Variants in GPC5 observed in about 807,000 individuals in gnomAD.
GPC5 encodes the protein glypican-5.
Under a neutral mutation model 53.9 loss-of-function variants are expected in GPC5, and 47 were observed. That is an observed-to-expected ratio of 0.87 (90% confidence interval 0.69 to 1.11). The LOEUF (loss-of-function observed/expected upper bound fraction) is 1.11, where lower values mean the gene tolerates loss of function less well. GPC5 is among the 50% of genes most tolerant of loss of function. The pLI is 0.00. For missense variants in GPC5, 748 were observed against 713.1 expected, an observed-to-expected ratio of 1.05 and a Z score of -0.56; for synonymous variants, 286 against 263.3, an observed-to-expected ratio of 1.09 and a Z score of -0.84.
chr13:92,399,759 C>T (rs944836119), intron 7 of GPC5, among the ~76,000 whole-genome samples: 2 of 152,134 alleles, frequency 1.3e-5, no homozygotes, highest in Non-Finnish European at 2.9e-5. Flanking sequence ...TTATTCGTGT[C>T]TATCGTATAT....
intron 7 of GPC5, among the ~76,000 whole-genome samples, chr13:92,183,813 T>C (rs1003962745): frequency 6.6e-6 from 1 of 152,072 alleles, no homozygotes; most frequent in Non-Finnish European, 1.5e-5. Context: ...TTCATAGATC[T>C]CTTACAACTT....
rs141595824 is a variant in GPC5 at position 92,120,849 on chromosome 13, A to G, written c.1402-23981A>G. On this transcript the variant is annotated intron_variant, in intron 6 of 7. Coordinates refer to ENST00000377067, the MANE Select transcript of GPC5 (RefSeq NM_004466.6). ...GCAGCTCTGCCTCCAGATTATGTAA[A>G]TATCAATTCATATTCAAATGAATTT... 8.4e-3 allele frequency among the ~76,000 whole-genome samples: 1,281 copies of G among 152,282 alleles called. 20 individuals are homozygous for G. The highest frequency in any genetic ancestry group is 0.03 in the African/African-American group (1,236 of 41,568).
intron 7 of GPC5, among the ~76,000 whole-genome samples, chr13:92,758,009 G>A (rs377691488): frequency 1.3e-5 from 2 of 151,034 alleles, no homozygotes; most frequent in African/African-American, 2.4e-5. Context: ...TATAAATCAT[G>A]CTGCTATAAA....
intron 7 of GPC5, among the ~76,000 whole-genome samples, chr13:92,546,630 T>C (rs1342964211): frequency 1.3e-5 from 2 of 152,108 alleles, no homozygotes; most frequent in Non-Finnish European, 2.9e-5. Context: ...CCCCATCAAA[T>C]TACCAATGAC....
chr13:92,257,545 G>GGTTTTTTTTTTTTTT (rs1566507028), intron 7 of GPC5, among the ~76,000 whole-genome samples: 1 of 50,054 alleles, frequency 2.0e-5, no homozygotes, highest in African/African-American at 1.2e-4. Flanking sequence ...CTAATACAGG[G>GGTTTTTTTTTTTTTT]ATTTTTTTTT....
At chr13:91,462,078 A>G (rs1881967651) in intron 2 of GPC5, among the ~76,000 whole-genome samples, 1 of 152,138 alleles carries the variant, frequency 6.6e-6, no homozygotes, top group Non-Finnish European at 1.5e-5. Flanking sequence ...TCTCACTGTA[A>G]TGGAAACCAA....
At chr13:91,610,816 A>AC (rs2033524719) in intron 2 of GPC5, among the ~76,000 whole-genome samples, 1 of 152,206 alleles carries the variant, frequency 6.6e-6, no homozygotes, top group South Asian at 2.1e-4. Context: ...AAAGTGGGCA[A>AC]AGGTTGTTAT....
chr13:91,579,459 T>C (rs2032265085), intron 2 of GPC5, among the ~76,000 whole-genome samples: 1 of 152,156 alleles, frequency 6.6e-6, no homozygotes, highest in Non-Finnish European at 1.5e-5. Context: ...TGCTACGGCA[T>C]GGAATCACAC....
intron 7 of GPC5, among the ~76,000 whole-genome samples, chr13:92,491,416 C>T (rs1398734100): frequency 1.3e-5 from 2 of 152,030 alleles, no homozygotes; most frequent in Non-Finnish European, 2.9e-5. Context: ...AATTAATAGG[C>T]ATTTTCATGT....
intron 2 of GPC5, among the ~76,000 whole-genome samples, chr13:91,497,027 T>A (rs1884306974): frequency 6.6e-6 from 1 of 152,188 alleles, no homozygotes; most frequent in African/African-American, 2.4e-5. Flanking sequence ...TTCCCTTTTA[T>A]ATATACGTGC....
chr13:91,481,708 A>G (rs534678471), intron 2 of GPC5, among the ~76,000 whole-genome samples: 2 of 152,306 alleles, frequency 1.3e-5, no homozygotes, highest in East Asian at 1.9e-4. Context: ...AGCTAAAGTG[A>G]TCTCATAGCA....
intron 7 of GPC5, among the ~76,000 whole-genome samples, chr13:92,564,796 T>C (rs1594308629): frequency 6.6e-6 from 1 of 152,204 alleles, no homozygotes; most frequent in South Asian, 2.1e-4. Flanking sequence ...TGTTCCTGCA[T>C]TAATTTGCTT....
chr13:91,618,517 C>T (rs999370544), intron 2 of GPC5, among the ~76,000 whole-genome samples: 6 of 152,088 alleles, frequency 3.9e-5, no homozygotes, highest in Non-Finnish European at 1.5e-5. Flanking sequence ...CATGTGTACA[C>T]AGCCCGGTTC....
chr13:91,771,213 C>T (rs548661437), intron 5 of GPC5, among the ~76,000 whole-genome samples: 94 of 152,178 alleles, frequency 6.2e-4, no homozygotes, highest in African/African-American at 2.1e-3. Context: ...AACAAAGAAA[C>T]AAAATTCTCA....
In GPC5 at chr13:91,503,578, G is replaced by T. The variant is rs563754316; in HGVS notation, c.325+54656G>T. Reference sequence around the variant, plus strand: ...TGGCGGATCACGAGGTCAGGAGATGGTGACCCTCCTGGCCAACATGGTGAA... The same window carrying T: ...TGGCGGATCACGAGGTCAGGAGATGTTGACCCTCCTGGCCAACATGGTGAA... On this transcript the variant is annotated intron_variant, in intron 2 of 7. Transcript: ENST00000377067. Among the ~76,000 whole-genome samples the T allele has an allele frequency of 2.6e-5, 4 of 151,568 alleles. No individual in the cohort carries two copies. The South Asian group carries it at 8.4e-4, about 32-fold the overall frequency.
intron 6 of GPC5, among the ~76,000 whole-genome samples, chr13:92,003,638 T>A (rs916698875): frequency 1.3e-5 from 2 of 152,234 alleles, no homozygotes; most frequent in African/African-American, 4.8e-5. Flanking sequence ...TCGGTTCAAC[T>A]AGTTAATTCT....
chr13:91,787,051 T>A (rs1461845182), intron 5 of GPC5, among the ~76,000 whole-genome samples: 1 of 152,072 alleles, frequency 6.6e-6, no homozygotes, highest in South Asian at 2.1e-4. Flanking sequence ...TTTATGTTGA[T>A]CCTACAAAAT....
intron 6 of GPC5, among the ~76,000 whole-genome samples, chr13:92,112,895 A>G (rs988223596): frequency 6.6e-6 from 1 of 152,154 alleles, no homozygotes; most frequent in Non-Finnish European, 1.5e-5. Context: ...ACATGAAAGC[A>G]TTTATGCCTA....
At chr13:91,704,155 C>CT (rs1491269193) in intron 3 of GPC5, among the ~76,000 whole-genome samples, 35 of 151,932 alleles carry the variant, frequency 2.3e-4, no homozygotes, top group African/African-American at 8.2e-4. Flanking sequence ...TAATATGTAC[C>CT]TTTTTATCTA....
Sources: gnomAD v4.1 joint callset for allele counts (sites outside exome capture counted in the v4.1 genomes callset) on GRCh38, gnomAD v4.1.1 for gene constraint, MANE v1.5 for transcripts, NCBI Gene and HGNC (gene_info 2026-07-23, HGNC 2026-07-21) for gene names.